The following PIAS1 variants were observed in gnomAD, a reference collection of about 807,000 sequenced individuals.
The protein encoded by PIAS1 is E3 SUMO-protein ligase PIAS1.
PIAS1 carries 6 observed loss-of-function variants against 71.3 expected under a neutral mutation model. That is an observed-to-expected ratio of 0.08 (90% CI 0.05 to 0.17). PIAS1 has a LOEUF of 0.17. Among genes scored for constraint, PIAS1 ranks in the 10% least tolerant of loss-of-function variants. The pLI is 1.00. For synonymous variants in PIAS1, 303 were observed against 292.9 expected (o/e 1.03, Z -0.35); for missense variants, 555 against 793.6 (o/e 0.70, Z 3.61).
In PIAS1 at chr15:68,187,566, G is replaced by A. The variant is rs765842964; in HGVS notation, c.1687G>A (p.Ala563Thr). The change falls in exon 14 of 14, where the codon GCT becomes ACT. Residue 563 changes from alanine to threonine, a missense_variant. Ala to Thr is a moderately conservative substitution (Grantham distance 58, BLOSUM62 0). Transcript: ENST00000249636. This position sits in a 1 kb window ranked among gnomAD's most constrained non-coding sequence, Gnocchi z 5.3. ...GCATTACAACACCTCCTTGCTTGCC[G>A]CTGCAGCAGCAGCAGTTTCAGATGA... ...NQHYNTSLLA[A>T]AAAAVSDDQD... is the part of the protein sequence containing the mutation. 1.3e-5 allele frequency: 21 copies of A among 1,613,570 alleles called. No homozygotes were observed. The highest frequency in any genetic ancestry group is 2.2e-5 in the South Asian group (2 of 91,060).
At chr15:68,059,209 G>A (rs933933517) in intron 1 of PIAS1, among the ~76,000 whole-genome samples, 3 of 151,652 alleles carry the variant, frequency 2.0e-5, no homozygotes, top group Non-Finnish European at 2.9e-5. Flanking sequence ...GCGTTTCACC[G>A]TGTTGGTCAG....
intron 6 of PIAS1, among the ~76,000 whole-genome samples, chr15:68,148,134 A>G (rs2092821242): frequency 6.6e-6 from 1 of 152,188 alleles, no homozygotes; most frequent in East Asian, 1.9e-4. Flanking sequence ...GTGATTTTAC[A>G]GTGTATCAAA....
Position 68,181,105 on chromosome 15 carries a change from T to C in PIAS1, c.1482-107T>C, listed in dbSNP as rs3759823. 8.4e-3 allele frequency: 7,123 copies of C among 849,096 alleles called. 74 individuals are homozygous for C. The highest frequency in any genetic ancestry group is 0.036 in the East Asian group (1,361 of 37,602). 52.6% of individuals were successfully genotyped at this position (849,096 alleles called of 1,614,324 possible). A position where few individuals can be genotyped will look rare whatever the true frequency, so the allele number is the denominator to read the frequency against. The stretch of plus-strand genomic sequence containing the variant: ...ATTGCTTTGCTTGGTTTTGTTCTTA[T>C]TTCCAGCACTAAACCGAGGGTTCAT... On this transcript the variant is annotated intron_variant, in intron 11 of 13. Coordinates refer to ENST00000249636, the MANE Select transcript of PIAS1 (RefSeq NM_016166.3).
intron 1 of PIAS1, among the ~76,000 whole-genome samples, chr15:68,072,703 C>T (rs569168537): frequency 6.6e-6 from 1 of 152,258 alleles, no homozygotes; most frequent in Non-Finnish European, 1.5e-5. Flanking sequence ...ATTTCAGACT[C>T]TTGTAGTGTC....
chr15:68,128,104 TAGC>T (rs2056705277), intron 2 of PIAS1, among the ~76,000 whole-genome samples: 1 of 152,100 alleles, frequency 6.6e-6, no homozygotes, highest in Non-Finnish European at 1.5e-5. Flanking sequence ...CAGTTCAACT[TAGC>T]AGTCTAGAAT....
intron 2 of PIAS1, among the ~76,000 whole-genome samples, chr15:68,094,063 T>C (rs2140990532): frequency 6.6e-6 from 1 of 152,212 alleles, no homozygotes; most frequent in African/African-American, 2.4e-5. Context: ...GGAAGGTGGC[T>C]TCTATTTAAA....
At chr15:68,163,791 T>C (rs1374837794) in intron 7 of PIAS1, among the ~76,000 whole-genome samples, 1 of 152,214 alleles carries the variant, frequency 6.6e-6, no homozygotes, top group East Asian at 1.9e-4. Context: ...GTTGACTGTG[T>C]ATACAGCTAC....
chr15:68,130,663 C>A (rs1381700721), intron 2 of PIAS1, among the ~76,000 whole-genome samples: 5 of 117,126 alleles, frequency 4.3e-5, no homozygotes, highest in East Asian at 2.2e-4. Flanking sequence ...ACAAAGGTAA[C>A]ACTTAAAAAA....
chr15:68,100,185 C>T lies in PIAS1; in HGVS notation c.469+13435C>T, dbSNP rs2140997336. Among the ~76,000 whole-genome samples, 2 of 151,888 alleles carry T rather than the reference C, an allele frequency of 1.3e-5. 1 individual carries two copies. The highest frequency in any genetic ancestry group is 4.2e-4 in the South Asian group (2 of 4,798). On this transcript the variant is annotated intron_variant, in intron 2 of 13. Transcript: ENST00000249636. Reference sequence around the variant, plus strand: ...AATGTATAGGAACATCCTGTGTACTCTTAACCTAGCCTTCTCCATTGTTAA... The same window carrying T: ...AATGTATAGGAACATCCTGTGTACTTTTAACCTAGCCTTCTCCATTGTTAA...
At chr15:68,104,568 C>T (rs1055588478) in intron 2 of PIAS1, among the ~76,000 whole-genome samples, 3 of 152,034 alleles carry the variant, frequency 2.0e-5, no homozygotes, top group African/African-American at 7.2e-5. Context: ...TTCGTGTTCT[C>T]ACTTATATGT....
intron 7 of PIAS1, among the ~76,000 whole-genome samples, chr15:68,160,577 G>GT (rs2092918156): frequency 6.6e-6 from 1 of 152,120 alleles, no homozygotes; most frequent in Admixed American, 6.5e-5. Context: ...TGTTTTGAAT[G>GT]TTGTTAAGTC....
At chr15:68,055,777 A>G in intron 1 of PIAS1, 1 of 568,104 alleles carries the variant, frequency 1.8e-6, no homozygotes, top group African/African-American at 1.9e-5. Flanking sequence ...TTTCCCCGTT[A>G]TAATGAAACG....
At position 68,186,984 on chromosome 15, in the gene PIAS1, A is replaced by C. The variant is rs2093092146; in HGVS notation, c.1663-558A>C. 6.6e-6 allele frequency among the ~76,000 whole-genome samples: 1 copy of C among 152,274 alleles called. No individual in the cohort carries two copies. The highest frequency in any genetic ancestry group is 2.4e-5 in the African/African-American group (1 of 41,476). On this transcript the variant is annotated intron_variant, in intron 13 of 13. Transcript: ENST00000249636. This position sits in a 1 kb window ranked among gnomAD's most constrained non-coding sequence, Gnocchi z 4.4. Reference sequence around the variant, plus strand: ...TAAGCGACGCATGACTGTATTTAAAAGTATAATGTGTAGCCAAGAGAAAGA... The same window carrying C: ...TAAGCGACGCATGACTGTATTTAAACGTATAATGTGTAGCCAAGAGAAAGA...
chr15:68,141,915 T>A, intron 2 of PIAS1, 31 bp from the exon 3 acceptor site: 1 of 1,431,646 alleles, frequency 7.0e-7, no homozygotes, highest in Non-Finnish European at 9.7e-7. Context: ...AATTTAAAGG[T>A]AATTGAAAGT....
intron 4 of PIAS1, among the ~76,000 whole-genome samples, chr15:68,142,881 A>G (rs532632442): frequency 1.3e-5 from 2 of 152,256 alleles, no homozygotes; most frequent in South Asian, 2.1e-4. Flanking sequence ...TGTATTTTAA[A>G]TAATTTAAAT....
chr15:68,144,263 T>C (rs2092792809), intron 4 of PIAS1, among the ~76,000 whole-genome samples: 1 of 152,178 alleles, frequency 6.6e-6, no homozygotes, highest in African/African-American at 2.4e-5. Context: ...GTTAGGAGTG[T>C]ATGCCTATCT....
rs187897962 is a variant in PIAS1 at position 68,096,214 on chromosome 15, G to A, written c.469+9464G>A. On this transcript the variant is annotated intron_variant, in intron 2 of 13. Coordinates refer to ENST00000249636, the MANE Select transcript of PIAS1 (RefSeq NM_016166.3). Reference sequence around the variant, plus strand: ...CTTTTTCCATTGTGTGGTTTTGACAGCCTTGTCAGAGATCATTTGGCTATG... The same window carrying A: ...CTTTTTCCATTGTGTGGTTTTGACAACCTTGTCAGAGATCATTTGGCTATG... 3.0e-3 allele frequency among the ~76,000 whole-genome samples: 454 copies of A among 152,258 alleles called. 15 individuals are homozygous for A. The highest frequency in any genetic ancestry group is 6.9e-4 in the Non-Finnish European group (47 of 68,016).
At chr15:68,182,830 G>A (rs1172987596) in intron 12 of PIAS1, among the ~76,000 whole-genome samples, 1 of 152,148 alleles carries the variant, frequency 6.6e-6, no homozygotes, top group Non-Finnish European at 1.5e-5. Flanking sequence ...GTAAGCCTTC[G>A]TGTTGTAATC....
intron 1 of PIAS1, among the ~76,000 whole-genome samples, chr15:68,060,896 T>A (rs527412452): frequency 3.3e-5 from 5 of 152,196 alleles, no homozygotes; most frequent in Non-Finnish European, 5.9e-5. Context: ...GTTGGCCAGG[T>A]TGGTCTCTAT....
Sources: allele counts gnomAD v4.1 joint callset (sites outside exome capture counted in the v4.1 genomes callset), GRCh38; gene constraint gnomAD v4.1.1; non-coding constraint Gnocchi (gnomAD v3.1); transcripts MANE v1.5; gene names NCBI Gene and HGNC (gene_info 2026-07-23, HGNC 2026-07-21).